The following SUFU variants were observed in gnomAD, a reference collection of about 807,000 sequenced individuals.
SUFU encodes suppressor of fused homolog.
In SUFU, 7 loss-of-function variants were observed where a neutral mutation model predicts 58.9. The observed-to-expected ratio is 0.12, with a 90% CI of 0.07 to 0.22. The LOEUF (loss-of-function observed/expected upper bound fraction) is 0.22. Among genes scored for constraint, SUFU ranks in the 10% least tolerant of loss-of-function variants. SUFU has a pLI of 1.00. For missense variants in SUFU, 451 were observed against 641.3 expected, an observed-to-expected ratio of 0.70 and a Z score of 3.20; for synonymous variants, 232 against 254.8, an observed-to-expected ratio of 0.91 and a Z score of 0.85.
intron 2 of SUFU, among the ~76,000 whole-genome samples, chr10:102,511,052 A>C (rs2062395001): frequency 6.7e-6 from 1 of 150,192 alleles, no homozygotes; most frequent in Non-Finnish European, 1.5e-5. Context: ...ACCTGGGAGG[A>C]GTAGGTTGCA....
intron 2 of SUFU, among the ~76,000 whole-genome samples, chr10:102,516,341 T>TG (rs2062470220): frequency 6.6e-6 from 1 of 152,178 alleles, no homozygotes; most frequent in South Asian, 2.1e-4. Context: ...CCCAAAGTGC[T>TG]GGGATTTCTT....
rs1589975337 is a variant in SUFU, at chr10:102,509,271, G to T, written c.285G>T (p.Leu95=). 6.2e-7 allele frequency: 1 copy of T among 1,614,192 alleles called. No individual in the cohort carries two copies. The highest frequency in any genetic ancestry group is 1.7e-5 in the Admixed American group (1 of 60,022). Residue 95 remains leucine, a synonymous_variant, in exon 2 of 12, where the codon CTG becomes CTT. Transcript: ENST00000369902. ...PEHWHYISFG[L]SDLYGDNRVH... ...ACTGGCACTACATCAGCTTCGGCCT[G>T]AGTGATCTCTATGGTGACAACAGAG...
chr10:102,557,612 C>T (rs1245212973), intron 3 of SUFU, among the ~76,000 whole-genome samples: 1 of 152,054 alleles, frequency 6.6e-6, no homozygotes, highest in Non-Finnish European at 1.5e-5. Flanking sequence ...AGAGCAAGAC[C>T]CTGTCTCAAA....
chr10:102,540,021 C>T (rs1165069230), intron 2 of SUFU, among the ~76,000 whole-genome samples: 6 of 152,102 alleles, frequency 3.9e-5, no homozygotes, highest in Admixed American at 3.9e-4. Flanking sequence ...CCAGTGAGAA[C>T]CTTGAGTTTG....
chr10:102,625,419 G>A lies in SUFU; in HGVS notation c.1297-1756G>A, dbSNP rs1200533738. ...GTCAGAGTTATTTTGTTCCTGCTAT[G>A]GGCTTGGAGCCTGGGAAGGCTGGGT... On this transcript the variant is annotated intron_variant, in intron 10 of 11. Transcript: ENST00000369902. The surrounding 1 kb of genome is among the most constrained non-coding windows in gnomAD (Gnocchi z 4.7). Among the ~76,000 whole-genome samples, 1 of 152,180 alleles carries A rather than the reference G, an allele frequency of 6.6e-6. No individual in the cohort carries two copies. Among genetic ancestry groups the A allele is most frequent in the East Asian group, 1.9e-4 (1 of 5,196 alleles).
At chr10:102,584,456 CA>C (rs1434448611) in intron 3 of SUFU, among the ~76,000 whole-genome samples, 1 of 152,172 alleles carries the variant, frequency 6.6e-6, no homozygotes, top group African/African-American at 2.4e-5. Context: ...GCTAGGATTA[CA>C]GGCATGAGCC....
In SUFU at chr10:102,617,848, T is replaced by C; in HGVS notation, c.1296+420T>C. 2.4e-6 allele frequency: 1 copy of C among 419,922 alleles called. No homozygotes were observed. Among genetic ancestry groups the C allele is most frequent in the Non-Finnish European group, 4.2e-6 (1 of 237,104 alleles). 26.0% of individuals were successfully genotyped at this position (419,922 alleles called of 1,614,324 possible). A position where few individuals can be genotyped will look rare whatever the true frequency, so the allele number is the denominator to read the frequency against. ...GGAAATCCCACCAGAATTCAGACAG[T>C]GGCATGTGTGCCTGGACCAGGGCTG... On this transcript the variant is annotated intron_variant, in intron 10 of 11. Transcript: ENST00000369902. The surrounding 1 kb of genome is among the most constrained non-coding windows in gnomAD (Gnocchi z 4.4).
chr10:102,505,715 G>T (rs1214831792), intron 1 of SUFU, among the ~76,000 whole-genome samples: 1 of 152,212 alleles, frequency 6.6e-6, no homozygotes, highest in Non-Finnish European at 1.5e-5. Flanking sequence ...AGCCTCCTCT[G>T]TCAGAGTAGA....
At chr10:102,555,269 C>CAAAAAA (rs57658645) in intron 3 of SUFU, among the ~76,000 whole-genome samples, 1 of 78,092 alleles carries the variant, frequency 1.3e-5, no homozygotes, top group Non-Finnish European at 2.3e-5. Flanking sequence ...CTCCGTCTCA[C>CAAAAAA]AAAAAAAAAA....
intron 2 of SUFU, among the ~76,000 whole-genome samples, chr10:102,537,135 T>C (rs2135712237): frequency 6.7e-6 from 1 of 149,618 alleles, no homozygotes; most frequent in East Asian, 2.0e-4. Flanking sequence ...TTACCTTTTT[T>C]TTTTTTTTTT....
intron 3 of SUFU, among the ~76,000 whole-genome samples, chr10:102,561,980 T>C (rs2063042555): frequency 6.6e-6 from 1 of 152,150 alleles, no homozygotes; most frequent in South Asian, 2.1e-4. Context: ...GCAAACCTTA[T>C]ACAGTGTGTT....
chr10:102,545,834 TGTGGTG>T (rs2062849440), intron 2 of SUFU, among the ~76,000 whole-genome samples: 1 of 151,732 alleles, frequency 6.6e-6, no homozygotes, highest in African/African-American at 2.4e-5. Context: ...GTCAGCTGGG[TGTGGTG>T]GCACACACCT....
At chr10:102,548,691 C>G (rs899577661) in intron 2 of SUFU, among the ~76,000 whole-genome samples, 1 of 152,198 alleles carries the variant, frequency 6.6e-6, no homozygotes, top group Admixed American at 6.5e-5. Context: ...GGATGCTTCC[C>G]TTACCTGGGG....
At chr10:102,613,467 C>A (rs2063647348) in intron 8 of SUFU, among the ~76,000 whole-genome samples, 1 of 152,236 alleles carries the variant, frequency 6.6e-6, no homozygotes, top group South Asian at 2.1e-4. Context: ...GCCTGCGGAC[C>A]CTACACCTTC....
At chr10:102,518,273 C>A (rs933170010) in intron 2 of SUFU, among the ~76,000 whole-genome samples, 1 of 152,038 alleles carries the variant, frequency 6.6e-6, no homozygotes, top group East Asian at 1.9e-4. Flanking sequence ...ACTCATCCAC[C>A]CAGCCAGTGA....
At chr10:102,502,822 T>A, upstream of SUFU, 3 of 618,742 alleles carry the variant, frequency 4.8e-6, no homozygotes, top group Non-Finnish European at 8.6e-6. Context: ...GCGATCTAGC[T>A]TGCTTTGTTG....
At chr10:102,550,464 T>C (rs551436172) in intron 3 of SUFU, among the ~76,000 whole-genome samples, 12 of 152,316 alleles carry the variant, frequency 7.9e-5, no homozygotes, top group South Asian at 4.1e-4. Flanking sequence ...TGTTTCTTTG[T>C]TTTTGTAAGT....
intron 8 of SUFU, among the ~76,000 whole-genome samples, chr10:102,611,043 G>A (rs961222044): frequency 6.6e-6 from 1 of 152,210 alleles, no homozygotes; most frequent in African/African-American, 2.4e-5. Context: ...CACTGGTGAG[G>A]TCACATACTA....
intron 2 of SUFU, among the ~76,000 whole-genome samples, chr10:102,536,729 A>G (rs1403851383): frequency 1.3e-5 from 2 of 152,162 alleles, no homozygotes; most frequent in East Asian, 3.8e-4. Flanking sequence ...AACATTTTGA[A>G]TCATACTTTA....
Sources: allele counts gnomAD v4.1 joint callset (sites outside exome capture counted in the v4.1 genomes callset), GRCh38; gene constraint gnomAD v4.1.1; non-coding constraint Gnocchi (gnomAD v3.1); transcripts MANE v1.5; gene names NCBI Gene and HGNC (gene_info 2026-07-23, HGNC 2026-07-21).